The following CDK5RAP1 variants were observed in gnomAD, a reference collection of about 807,000 sequenced individuals.
CDK5RAP1 encodes the protein mitochondrial tRNA methylthiotransferase CDK5RAP1.
A neutral mutation model predicts 64.5 loss-of-function variants in CDK5RAP1; 62 were observed. That is an observed-to-expected ratio of 0.96 (90% CI 0.78 to 1.19). The LOEUF (loss-of-function observed/expected upper bound fraction) is 1.19, where lower values mean the gene tolerates loss of function less well. Among genes scored for constraint, CDK5RAP1 ranks in the 50% most tolerant of loss-of-function variants. The pLI is 0.00. For synonymous variants in CDK5RAP1, 250 were observed against 261.9 expected, an observed-to-expected ratio of 0.95 and a Z score of 0.44; for missense variants, 657 against 735.0, an observed-to-expected ratio of 0.89 and a Z score of 1.23.
chr20:33,386,788 A>C (rs1180288986), intron 6 of CDK5RAP1, among the ~76,000 whole-genome samples: 2 of 151,918 alleles, frequency 1.3e-5, no homozygotes, highest in African/African-American at 2.4e-5. Flanking sequence ...AAAAAAAAAA[A>C]AAACCCTATA....
intron 11 of CDK5RAP1, among the ~76,000 whole-genome samples, chr20:33,368,657 A>G (rs1984445847): frequency 6.6e-6 from 1 of 151,600 alleles, no homozygotes; most frequent in Admixed American, 6.6e-5. Flanking sequence ...GGATCACCTG[A>G]GGTCAGGAGT....
chr20:33,362,767 T>G (rs543176524), intron 12 of CDK5RAP1, among the ~76,000 whole-genome samples: 118 of 152,282 alleles, frequency 7.7e-4, no homozygotes, highest in African/African-American at 2.7e-3. Flanking sequence ...GGTACCCAGT[T>G]TGGGGTTAAA....
intron 5 of CDK5RAP1, among the ~76,000 whole-genome samples, chr20:33,389,566 C>G (rs1417432918): frequency 6.7e-6 from 1 of 149,642 alleles, no homozygotes; most frequent in African/African-American, 2.5e-5. Flanking sequence ...CCCGGCCAGC[C>G]GCCCCGTCCG....
At chr20:33,377,167 C>T (rs1174496813) in intron 8 of CDK5RAP1, among the ~76,000 whole-genome samples, 1 of 152,184 alleles carries the variant, frequency 6.6e-6, no homozygotes, top group Non-Finnish European at 1.5e-5. Context: ...AAGACCCCAC[C>T]TCTAATTTTT....
At position 33,381,216 on chromosome 20, in the gene CDK5RAP1, AC is replaced by A. The variant is rs1986713387; in HGVS notation, c.877-1526del. ...ACTCTCTCTCAACACACATATGACT[AC>A]ATTTTTTTTAAGCCTTCTGAGAAAA... is the stretch of plus-strand genomic sequence containing the variant. On this transcript the variant is annotated intron_variant, in intron 7 of 13. Transcript: ENST00000346416. Among the ~76,000 whole-genome samples, 3 of 81,434 alleles carry A rather than the reference AC, an allele frequency of 3.7e-5. No homozygotes were observed. In the South Asian group the frequency reaches 1.3e-3, roughly 34 times the overall value. 53.4% of individuals were successfully genotyped at this position (81,434 alleles called of 152,430 possible). A position where few individuals can be genotyped will look rare whatever the true frequency, so the allele number is the denominator to read the frequency against.
At position 33,359,206 on chromosome 20, in the gene CDK5RAP1, C is replaced by T; in HGVS notation, c.1684-83G>A. 3 of 1,046,310 alleles carry T rather than the reference C, an allele frequency of 2.9e-6. No individual in the cohort carries two copies. In the East Asian group the frequency reaches 7.1e-5, roughly 25 times the overall value. The allele number at this position is 1,046,310 out of a possible 1,614,324, so 64.8% of individuals were successfully genotyped here. A position where few individuals can be genotyped will look rare whatever the true frequency, so the allele number is the denominator to read the frequency against. On this transcript the variant is annotated intron_variant, in intron 13 of 13. Transcript: ENST00000346416. ...CATGTGGAGCCTCTAGAGGAGAAGC[C>T]CCCAAAAGGAATCTGATGGAGGCGA...
intron 5 of CDK5RAP1, among the ~76,000 whole-genome samples, chr20:33,389,483 G>A (rs1161669581): frequency 6.6e-6 from 1 of 151,958 alleles, no homozygotes; most frequent in Non-Finnish European, 1.5e-5. Flanking sequence ...GCCCCGTCCG[G>A]GAGGGAGGTG....
In CDK5RAP1 at chr20:33,377,354, A is replaced by C. The variant is rs1201699975; in HGVS notation, c.1107+2107T>G. ...CACCTTCAGCATTGATCTTAGCTAG[A>C]TCTTCTGGATAACTTGCACAGCTTC... is the stretch of plus-strand genomic sequence containing the variant. On this transcript the variant is annotated intron_variant, in intron 8 of 13. Transcript: ENST00000346416. Among the ~76,000 whole-genome samples the C allele has an allele frequency of 1.2e-4, 19 of 152,184 alleles. 1 individual carries two copies. Among genetic ancestry groups the C allele is most frequent in the Admixed American group, 1.2e-3 (19 of 15,270 alleles).
At chr20:33,386,114 G>A (rs146751821) in intron 6 of CDK5RAP1, among the ~76,000 whole-genome samples, 109 of 152,282 alleles carry the variant, frequency 7.2e-4, no homozygotes, top group African/African-American at 2.5e-3. Flanking sequence ...TCACCAGGCT[G>A]GAGTGCAGTT....
At chr20:33,366,751 G>A in intron 12 of CDK5RAP1, 108 bp downstream of exon 12, 1 of 1,014,714 alleles carries the variant, frequency 9.9e-7, no homozygotes, top group Non-Finnish European at 1.4e-6. Flanking sequence ...AGAATCACTT[G>A]AGCCCAGCAG....
chr20:33,394,153 A>AT lies in CDK5RAP1; in HGVS notation c.409-88dup, dbSNP rs796769875. ...AATTCCTGCCCTACAGCTCTTTATT[A>AT]TTTTTTTTTCCTTTTTTTTTTTTTG... On this transcript the variant is annotated intron_variant, in intron 3 of 13. Transcript: ENST00000346416. The AT allele has an allele frequency of 1.7e-3, 1,515 of 891,938 alleles. 6 individuals are homozygous for AT. Among genetic ancestry groups the AT allele is most frequent in the African/African-American group, 0.012 (715 of 57,654 alleles). The allele number at this position is 891,938 out of a possible 1,614,324, so 55.3% of individuals were successfully genotyped here.
At chr20:33,364,116 C>T (rs987406216) in intron 12 of CDK5RAP1, among the ~76,000 whole-genome samples, 2 of 151,098 alleles carry the variant, frequency 1.3e-5, no homozygotes, top group Non-Finnish European at 2.9e-5. Flanking sequence ...ATGATAATAG[C>T]ATTTTGTTTA....
chr20:33,374,021 C>T, intron 9 of CDK5RAP1, 94 bp downstream of exon 9: 1 of 839,092 alleles, frequency 1.2e-6, no homozygotes, highest in Non-Finnish European at 2.0e-6. Context: ...CTTTGTGCCA[C>T]ACACTATGCT....
chr20:33,378,946 C>A (rs564891102), intron 8 of CDK5RAP1, among the ~76,000 whole-genome samples: 4 of 152,282 alleles, frequency 2.6e-5, no homozygotes, highest in South Asian at 4.2e-4. Flanking sequence ...CCTCCACTCC[C>A]ACCTTGGCAG....
At chr20:33,371,558 C>T (rs960380110) in intron 10 of CDK5RAP1, among the ~76,000 whole-genome samples, 19 of 151,590 alleles carry the variant, frequency 1.3e-4, no homozygotes, top group African/African-American at 4.1e-4. Context: ...CAGGCTGAGG[C>T]GGGCAGATCA....
intron 12 of CDK5RAP1, among the ~76,000 whole-genome samples, chr20:33,364,188 C>CTTTTTTTTTTTTTTT (rs11479107): frequency 7.4e-6 from 1 of 135,508 alleles, no homozygotes. Context: ...GAAGAAATAG[C>CTTTTTTTTTTTTTTT]TTTTTTTTTT....
At chr20:33,369,653 C>G (rs902924997) in intron 11 of CDK5RAP1, among the ~76,000 whole-genome samples, 1 of 152,168 alleles carries the variant, frequency 6.6e-6, no homozygotes, top group Admixed American at 6.5e-5. Context: ...TCATGACTCA[C>G]GCCTGTCATC....
intron 1 of CDK5RAP1, among the ~76,000 whole-genome samples, chr20:33,400,519 T>C (rs971778180): frequency 1.3e-5 from 2 of 152,122 alleles, no homozygotes; most frequent in Admixed American, 6.5e-5. Context: ...TACCACCCCA[T>C]AAGTGTTATT....
rs529303346 is a variant in CDK5RAP1, at chr20:33,377,090, C to T, written c.1107+2371G>A. Reference sequence around the variant, plus strand: ...GTAGCTCCCGCCTGTGATCCCAGCACTTTGAGAGGCCTAGGTGGGAGAACT... The same window carrying T: ...GTAGCTCCCGCCTGTGATCCCAGCATTTTGAGAGGCCTAGGTGGGAGAACT... On this transcript the variant is annotated intron_variant, in intron 8 of 13. Coordinates refer to ENST00000346416, the MANE Select transcript of CDK5RAP1 (RefSeq NM_016408.4). Among the ~76,000 whole-genome samples, 29 of 152,266 alleles carry T rather than the reference C, an allele frequency of 1.9e-4. 2 individuals carry two copies. In the South Asian group the frequency reaches 5.4e-3, roughly 28 times the overall value.
Sources: allele counts gnomAD v4.1 joint callset (sites outside exome capture counted in the v4.1 genomes callset), GRCh38; gene constraint gnomAD v4.1.1; transcripts MANE v1.5; gene names NCBI Gene and HGNC (gene_info 2026-07-23, HGNC 2026-07-21).